The following SLC66A1 variants were observed in gnomAD, a reference collection of about 807,000 sequenced individuals.
The protein encoded by SLC66A1 is lysosomal amino acid transporter 1 homolog.
SLC66A1 carries 23 observed loss-of-function variants against 33.0 expected under a neutral mutation model. That is an observed-to-expected ratio of 0.70 (90% CI 0.50 to 0.99). The LOEUF (loss-of-function observed/expected upper bound fraction) is 0.99, where lower values mean the gene tolerates loss of function less well. Ranked by LOEUF, SLC66A1 falls within the 50% of genes least tolerant of loss-of-function variation. The probability of loss-of-function intolerance (pLI) is 0.00; values close to 1 mark genes in which losing one functional copy is unlikely to be tolerated. For synonymous variants in SLC66A1, 164 were observed against 175.5 expected (o/e 0.93, Z 0.52); for missense variants, 335 against 383.6 (o/e 0.87, Z 1.06).
chr1:19,319,801 G>A (rs1253021798), intron 2 of SLC66A1, among the ~76,000 whole-genome samples: 1 of 151,182 alleles, frequency 6.6e-6, no homozygotes, highest in Non-Finnish European at 1.5e-5. Context: ...TACTCGGGAG[G>A]CTGAGGCAGG....
Position 19,327,558 on chromosome 1 carries a change from T to TCCCTCCCTCCCTCCCTCCCTCCCTCCCTC in SLC66A1, c.804+147_804+148insCCTCCCTCCCTCCCTCCCTCCCTCCCTCC. ...CTCCCTCCCTCCCTCCCTCCCTCCA[T>TCCCTCCCTCCCTCCCTCCCTCCCTCCCTC]CTGTTCACCCAGTCGTGCACACCTC... On this transcript the variant is annotated intron_variant, in intron 7 of 7. Coordinates refer to ENST00000375153, the MANE Select transcript of SLC66A1 (RefSeq NM_001040125.2). 4.8e-6 allele frequency: 4 copies of TCCCTCCCTCCCTCCCTCCCTCCCTCCCTC among 831,646 alleles called. No homozygotes were observed. The East Asian group carries it at 9.6e-5, about 20-fold the overall frequency. The allele number at this position is 831,646 out of a possible 1,614,324, so 51.5% of individuals were successfully genotyped here. A position where few individuals can be genotyped will look rare whatever the true frequency, so the allele number is the denominator to read the frequency against.
chr1:19,313,827 G>A (rs916812254), intron 1 of SLC66A1, among the ~76,000 whole-genome samples: 9 of 152,230 alleles, frequency 5.9e-5, no homozygotes, highest in African/African-American at 9.6e-5. Flanking sequence ...TCATGTGCCC[G>A]AAGCACCCTG....
intron 2 of SLC66A1, among the ~76,000 whole-genome samples, chr1:19,322,722 T>C (rs3790776): frequency 0.22 from 32,823 of 151,954 alleles, 4,044 homozygotes; most frequent in Non-Finnish European, 0.27. Context: ...GAGCGGGACA[T>C]CTGAGACCAG....
intron 2 of SLC66A1, among the ~76,000 whole-genome samples, chr1:19,324,127 A>G (rs1293940580): frequency 6.6e-6 from 1 of 152,250 alleles, no homozygotes; most frequent in Non-Finnish European, 1.5e-5. Flanking sequence ...GTTGCCCTCT[A>G]AAGAGAACTG....
chr1:19,318,482 G>A (rs2093817471), intron 2 of SLC66A1, among the ~76,000 whole-genome samples: 1 of 152,234 alleles, frequency 6.6e-6, no homozygotes, highest in Non-Finnish European at 1.5e-5. Flanking sequence ...CTAGATGGTT[G>A]CTGTGAGGAT....
At chr1:19,320,610 T>G (rs557511205) in intron 2 of SLC66A1, among the ~76,000 whole-genome samples, 7 of 150,780 alleles carry the variant, frequency 4.6e-5, no homozygotes, top group Non-Finnish European at 8.8e-5. Context: ...AGAGACGGGG[T>G]TTCACCGTGT....
rs2093783973 is a variant in SLC66A1, at chr1:19,312,792, G to C, written c.-176G>C. The C allele has an allele frequency of 6.5e-6, 1 of 153,164 alleles. No individual in the cohort carries two copies. Among genetic ancestry groups the C allele is most frequent in the African/African-American group, 2.4e-5 (1 of 41,438 alleles). 9.5% of individuals were successfully genotyped at this position (153,164 alleles called of 1,614,324 possible). On this transcript the variant is annotated 5_prime_UTR_variant, in exon 1 of 8. Coordinates refer to ENST00000375153, the MANE Select transcript of SLC66A1 (RefSeq NM_001040125.2). ...GGCCGAGGACGCCGAGGCCTGGAGT[G>C]GGTGGTAGCCCCGAGCTGGGACGCT...
At position 19,328,512 on chromosome 1, in the gene SLC66A1, C is replaced by T. The variant is rs1387532959; in HGVS notation, c.805-60C>T. The T allele has an allele frequency of 6.6e-7, 1 of 1,526,612 alleles. No individual in the cohort carries two copies. The highest frequency in any genetic ancestry group is 9.0e-7 in the Non-Finnish European group (1 of 1,116,982). 94.6% of individuals were successfully genotyped at this position (1,526,612 alleles called of 1,614,324 possible). A position where few individuals can be genotyped will look rare whatever the true frequency, so the allele number is the denominator to read the frequency against. The stretch of plus-strand genomic sequence containing the variant: ...GAGGCAGCTCCCAGGAGTCGAAGGC[C>T]CCCAGGGGCAGGTCCAACCCAGTCT... On this transcript the variant is annotated intron_variant, in intron 7 of 7. Coordinates refer to ENST00000375153, the MANE Select transcript of SLC66A1 (RefSeq NM_001040125.2). The surrounding 1 kb of genome is among the most constrained non-coding windows in gnomAD (Gnocchi z 4.7).
At chr1:19,320,562 T>TGC (rs2093830016) in intron 2 of SLC66A1, among the ~76,000 whole-genome samples, 3 of 151,506 alleles carry the variant, frequency 2.0e-5, no homozygotes, top group African/African-American at 7.3e-5. Flanking sequence ...TACAGGCACC[T>TGC]GCCACCACGC....
In SLC66A1 at chr1:19,326,372, GGAGTCGGGCAGCAAGGT is replaced by G; in HGVS notation, c.514_525+5del. 6.2e-7 allele frequency: 1 copy of G among 1,607,020 alleles called. No individual in the cohort carries two copies. Among genetic ancestry groups the G allele is most frequent in the Non-Finnish European group, 8.5e-7 (1 of 1,178,962 alleles). Reference sequence around the variant, plus strand: ...TCCGGGGGCGGGCGCTCCTGTCCGTGGAGTCGGGCAGCAAGGTGAGGCGTGGGCGTGGCGGTCGAAGG... The same window carrying G: ...TCCGGGGGCGGGCGCTCCTGTCCGTGGAGGCGTGGGCGTGGCGGTCGAAGG... On this transcript the variant is annotated splice_donor_variant and coding_sequence_variant, in exon 5 of 8. Transcript: ENST00000375153. LOFTEE classifies it high-confidence loss of function.
intron 3 of SLC66A1, 97 bp downstream of exon 3, chr1:19,324,859 TC>T: frequency 6.8e-7 from 1 of 1,464,062 alleles, no homozygotes; most frequent in Non-Finnish European, 9.2e-7. Flanking sequence ...CCGCCTGGTC[TC>T]CAGAACCCTG....
rs76005349 is a variant in SLC66A1 at position 19,325,434 on chromosome 1, C to T, written c.295-61C>T. ...CAGCTGGGATATGACAGAGGGCTGC[C>T]GGGGCGTGGTCTCAGATCCTGGGAC... is the stretch of plus-strand genomic sequence containing the variant. On this transcript the variant is annotated intron_variant, in intron 3 of 7. Transcript: ENST00000375153. 5.3e-3 allele frequency: 6,411 copies of T among 1,204,280 alleles called. 256 individuals carry two copies. The African/African-American group carries it at 0.084, about 16-fold the overall frequency. 74.6% of individuals were successfully genotyped at this position (1,204,280 alleles called of 1,614,324 possible).
intron 2 of SLC66A1, among the ~76,000 whole-genome samples, chr1:19,321,116 T>C (rs955899339): frequency 2.7e-5 from 4 of 149,198 alleles, no homozygotes; most frequent in Non-Finnish European, 5.9e-5. Flanking sequence ...TTTGGTGTCA[T>C]ATCTAAGAAA....
At position 19,328,672 on chromosome 1, in the gene SLC66A1, G is replaced by C; in HGVS notation, c.*29G>C. On this transcript the variant is annotated 3_prime_UTR_variant, in exon 8 of 8. Transcript: ENST00000375153. This position sits in a 1 kb window ranked among gnomAD's most constrained non-coding sequence, Gnocchi z 4.7. ...GAACCAGGCTGAGCGCAGGAGGACA[G>C]GCACCACCGGATGCCACACCAGGCA... 6.2e-7 allele frequency: 1 copy of C among 1,608,240 alleles called. No individual in the cohort carries two copies. Among genetic ancestry groups the C allele is most frequent in the Non-Finnish European group, 8.5e-7 (1 of 1,175,852 alleles).
chr1:19,315,686 A>T (rs1038352401), intron 1 of SLC66A1, among the ~76,000 whole-genome samples: 1 of 152,196 alleles, frequency 6.6e-6, no homozygotes, highest in African/African-American at 2.4e-5. Context: ...CTGGCTGTGC[A>T]GTCATGCCAG....
At chr1:19,314,693 C>T (rs2093795871) in intron 1 of SLC66A1, among the ~76,000 whole-genome samples, 1 of 152,206 alleles carries the variant, frequency 6.6e-6, no homozygotes, top group East Asian at 1.9e-4. Context: ...GCTGCTCAGC[C>T]TCACCTGTCA....
At chr1:19,330,116 A>T (rs1188913949), downstream of SLC66A1, among the ~76,000 whole-genome samples, 1 of 152,070 alleles carries the variant, frequency 6.6e-6, no homozygotes, top group Non-Finnish European at 1.5e-5. Flanking sequence ...ACAGATGAGC[A>T]CCACCATGCC....
intron 7 of SLC66A1, 147 bp downstream of exon 7, chr1:19,327,559 C>G (rs1057323610): frequency 9.8e-7 from 1 of 1,016,108 alleles, no homozygotes; most frequent in Non-Finnish European, 1.5e-6. Context: ...CTCCCTCCAT[C>G]TGTTCACCCA....
intron 2 of SLC66A1, among the ~76,000 whole-genome samples, chr1:19,320,227 T>C (rs2093827520): frequency 6.6e-6 from 1 of 151,618 alleles, no homozygotes. Context: ...TGTGGGGAAA[T>C]ATGTTTTTAT....
Sources: allele counts gnomAD v4.1 joint callset (sites outside exome capture counted in the v4.1 genomes callset), GRCh38; gene constraint gnomAD v4.1.1; non-coding constraint Gnocchi (gnomAD v3.1); transcripts MANE v1.5; gene names NCBI Gene and HGNC (gene_info 2026-07-23, HGNC 2026-07-21).